ST18: variants seen among roughly 807,000 people sequenced by gnomAD.
ST18 encodes the protein suppression of tumorigenicity 18 protein.
A neutral mutation model predicts 110.0 loss-of-function variants in ST18; 50 were observed. That is an observed-to-expected ratio of 0.45 (90% CI 0.36 to 0.58). The LOEUF is 0.58. Ranked by LOEUF, ST18 falls within the 20% of genes least tolerant of loss-of-function variation. The probability of loss-of-function intolerance (pLI) is 0.00; values close to 1 mark genes in which losing one functional copy is unlikely to be tolerated. For synonymous variants in ST18, 461 were observed against 452.4 expected (o/e 1.02, Z -0.24); for missense variants, 1,306 against 1,280.1 (o/e 1.02, Z -0.31).
intron 9 of ST18, 100 bp from the exon 10 acceptor site, chr8:52,172,683 A>T: frequency 2.4e-6 from 2 of 848,980 alleles, no homozygotes; most frequent in Non-Finnish European, 3.5e-6. Flanking sequence ...ATTCACATAC[A>T]TAGGTACATA....
chr8:52,345,608 C>A (rs1010558711), intron 2 of ST18, among the ~76,000 whole-genome samples: 1 of 152,204 alleles, frequency 6.6e-6, no homozygotes, highest in East Asian at 1.9e-4. Context: ...TCCAACCCAG[C>A]TCTTCCAACC....
intron 2 of ST18, among the ~76,000 whole-genome samples, chr8:52,371,227 C>A (rs1173457013): frequency 6.6e-6 from 1 of 152,156 alleles, no homozygotes; most frequent in African/African-American, 2.4e-5. Flanking sequence ...CTAGGTAAAA[C>A]AAAGGCGAAT....
chr8:52,171,156 G>C (rs2064827096), intron 10 of ST18, among the ~76,000 whole-genome samples: 1 of 152,172 alleles, frequency 6.6e-6, no homozygotes, highest in Non-Finnish European at 1.5e-5. Context: ...AATAGCATGA[G>C]GCTCATCTGG....
chr8:52,194,569 C>A (rs922486963), intron 8 of ST18: 1 of 152,248 alleles, frequency 6.6e-6, no homozygotes, highest in Non-Finnish European at 1.5e-5. Context: ...TTGGTGAAAG[C>A]ATGCGTCTTG....
chr8:52,354,143 C>T (rs997721407), intron 2 of ST18, among the ~76,000 whole-genome samples: 1 of 152,236 alleles, frequency 6.6e-6, no homozygotes, highest in African/African-American at 2.4e-5. Context: ...CACCACTTGA[C>T]CTCTGGAAGG....
chr8:52,172,783 T>A (rs948413600), intron 9 of ST18, among the ~76,000 whole-genome samples, 200 bp from the exon 10 acceptor site: 2 of 152,138 alleles, frequency 1.3e-5, no homozygotes, highest in African/African-American at 4.8e-5. Context: ...AAAACATATA[T>A]CCTCTTAAGA....
intron 2 of ST18, among the ~76,000 whole-genome samples, chr8:52,393,277 A>G (rs13274854): frequency 0.083 from 12,674 of 152,212 alleles, 758 homozygotes; most frequent in East Asian, 0.25. Context: ...ATTTTTGGAA[A>G]ACATAGTCAG....
At chr8:52,245,448 G>T (rs997323644) in intron 2 of ST18, among the ~76,000 whole-genome samples, 1 of 152,102 alleles carries the variant, frequency 6.6e-6, no homozygotes, top group Non-Finnish European at 1.5e-5. Context: ...CTGAAAAAAA[G>T]GATGTGGTGA....
chr8:52,180,206 T>A lies in ST18; in HGVS notation c.193A>T (p.Ser65Cys). 1 of 1,614,180 alleles carries A rather than the reference T, an allele frequency of 6.2e-7. No homozygotes were observed. The highest frequency in any genetic ancestry group is 8.5e-7 in the Non-Finnish European group (1 of 1,180,036). ...KSLLMKPRHY[S>C]PKADCQEDRS... is the part of the protein sequence containing the mutation. ...TCTTCTTGGCAGTCTGCTTTTGGGC[T>A]GTAGTGTCGGGGCTTCATTAGCAGG... The change falls in exon 9 of 26, where the codon AGC (serine) becomes TGC (cysteine). Residue 65 changes from serine to cysteine, a missense_variant. Physicochemically the swap from Ser to Cys is moderately radical, Grantham distance 112 (BLOSUM62 -1). Transcript: ENST00000689386.
rs529156396 is a variant in ST18, at chr8:52,321,950, A to T, written c.-465+87378T>A. Reference sequence around the variant, plus strand: ...CTATCACCTCCTAAATAATTAGAGCAAAGCCATATTTTTAAGTTATTAAAC... The same window carrying T: ...CTATCACCTCCTAAATAATTAGAGCTAAGCCATATTTTTAAGTTATTAAAC... On this transcript the variant is annotated intron_variant, in intron 2 of 25. Transcript: ENST00000689386. Among the ~76,000 whole-genome samples the T allele has an allele frequency of 2.6e-5, 4 of 152,318 alleles. No homozygotes were observed. In the East Asian group the frequency reaches 7.7e-4, roughly 29 times the overall value.
intron 15 of ST18, among the ~76,000 whole-genome samples, chr8:52,156,541 T>C (rs2060064525): frequency 6.6e-6 from 1 of 152,228 alleles, no homozygotes; most frequent in Non-Finnish European, 1.5e-5. Context: ...GCAGCACTGA[T>C]AACAGAAAAG....
chr8:52,183,921 C>T (rs999765213), intron 8 of ST18, among the ~76,000 whole-genome samples: 5 of 152,172 alleles, frequency 3.3e-5, no homozygotes, highest in South Asian at 2.1e-4. Context: ...AAAATACCCA[C>T]GGCCCAGGCA....
chr8:52,232,020 T>C (rs2091534626), intron 2 of ST18, among the ~76,000 whole-genome samples: 1 of 152,222 alleles, frequency 6.6e-6, no homozygotes, highest in African/African-American at 2.4e-5. Flanking sequence ...GCTGATAAGT[T>C]TGTGGACCAT....
intron 2 of ST18, among the ~76,000 whole-genome samples, chr8:52,388,973 T>TAAAAA (rs61317264): frequency 1.4e-5 from 2 of 142,692 alleles, no homozygotes; most frequent in Non-Finnish European, 1.5e-5. Context: ...AATAATAATT[T>TAAAAA]AAAAAAAAAA....
chr8:52,380,753 C>G (rs183713420), intron 2 of ST18, among the ~76,000 whole-genome samples: 5 of 152,118 alleles, frequency 3.3e-5, no homozygotes, highest in Admixed American at 3.3e-4. Flanking sequence ...GGCAATTGAT[C>G]TTATTCCCTG....
At chr8:52,137,860 G>T in intron 17 of ST18, 1 of 182,222 alleles carries the variant, frequency 5.5e-6, no homozygotes, top group Non-Finnish European at 1.2e-5. Flanking sequence ...CCCAGCACTT[G>T]GGAGGCCAAG....
intron 23 of ST18, chr8:52,125,740 T>G (rs1372359336): frequency 3.7e-6 from 1 of 268,584 alleles, no homozygotes; most frequent in African/African-American, 2.2e-5. Context: ...TCCTCTATCC[T>G]TGGTCTCCCA....
intron 2 of ST18, among the ~76,000 whole-genome samples, chr8:52,392,379 A>G (rs1382168996): frequency 1.3e-5 from 2 of 152,040 alleles, no homozygotes; most frequent in African/African-American, 4.8e-5. Flanking sequence ...GTGCAGGTGG[A>G]GAGGCTGGTG....
At chr8:52,124,839 G>A (rs1279580177) in intron 23 of ST18, among the ~76,000 whole-genome samples, 1 of 144,430 alleles carries the variant, frequency 6.9e-6, no homozygotes, top group African/African-American at 2.9e-5. Context: ...GCAGATGAAG[G>A]CCTTGGAAGG....
Sources: gnomAD v4.1 joint callset for allele counts (sites outside exome capture counted in the v4.1 genomes callset) on GRCh38, gnomAD v4.1.1 for gene constraint, MANE v1.5 for transcripts, NCBI Gene and HGNC (gene_info 2026-07-23, HGNC 2026-07-21) for gene names.